The following ATP5F1C variants were observed in gnomAD, a reference collection of about 807,000 sequenced individuals.
The protein encoded by ATP5F1C is ATP synthase F1 subunit gamma, also known as ATP synthase F(1) complex subunit gamma, mitochondrial.
Under a neutral mutation model 37.4 loss-of-function variants are expected in ATP5F1C, and 22 were observed. The observed-to-expected ratio is 0.59, with a 90% confidence interval of 0.42 to 0.84. The LOEUF (loss-of-function observed/expected upper bound fraction) is 0.84. ATP5F1C is among the 40% of genes least tolerant of loss of function. The pLI, the probability that ATP5F1C is intolerant of heterozygous loss-of-function variation, is 0.00. For missense variants in ATP5F1C, 286 were observed against 362.4 expected (o/e 0.79, Z 1.71); for synonymous variants, 121 against 128.0 (o/e 0.95, Z 0.37).
intron 6 of ATP5F1C, among the ~76,000 whole-genome samples, chr10:7,800,375 T>G (rs930392247): frequency 4.6e-5 from 7 of 152,014 alleles, no homozygotes; most frequent in Admixed American, 2.6e-4. Context: ...TTTTGTATTT[T>G]TAGTAGAGAC....
intron 2 of ATP5F1C, chr10:7,796,521 T>A (rs1836237974): frequency 5.9e-6 from 1 of 170,624 alleles, no homozygotes; most frequent in Non-Finnish European, 1.2e-5. Flanking sequence ...TATATTATTG[T>A]CTTATGTTGC....
At chr10:7,798,028 A>C (rs1836274309) in intron 3 of ATP5F1C, among the ~76,000 whole-genome samples, 1 of 152,180 alleles carries the variant, frequency 6.6e-6, no homozygotes, top group Admixed American at 6.5e-5. Context: ...TCTTTCTCTT[A>C]ACTTTTTTAT....
chr10:7,788,300 G>C, intron 1 of ATP5F1C, 37 bp downstream of exon 1: 14 of 1,608,850 alleles, frequency 8.7e-6, no homozygotes, highest in Non-Finnish European at 1.2e-5. Flanking sequence ...AGGACCGCAA[G>C]GGATGGAAGA....
At chr10:7,806,654 CA>C (rs34887547) in intron 8 of ATP5F1C, among the ~76,000 whole-genome samples, 319 of 126,640 alleles carry the variant, frequency 2.5e-3, no homozygotes, top group African/African-American at 6.5e-3. Flanking sequence ...ACTCCATCTC[CA>C]AAAAAAAAAA....
Position 7,800,047 on chromosome 10 carries a change from C to G in ATP5F1C, c.593C>G (p.Thr198Arg), listed in dbSNP as rs1156965382. The change falls in exon 6 of 10, where the codon ACA becomes AGA. Residue 198 changes from threonine (T) to arginine (R), a missense_variant. Transcript: ENST00000356708. ...TCTAGGTCTGTCATCTCCTATAAGACAGAAGAAAAGCCCATCTTTTCCCTT... is the reference window on the plus strand; with the variant it reads ...TCTAGGTCTGTCATCTCCTATAAGAGAGAAGAAAAGCCCATCTTTTCCCTT... Reference protein sequence around the residue: ...NKFRSVISYKTEEKPIFSLNT... With the variant: ...NKFRSVISYKREEKPIFSLNT... The G allele has an allele frequency of 1.2e-6, 2 of 1,613,840 alleles. No individual in the cohort carries two copies. Among genetic ancestry groups the G allele is most frequent in the East Asian group, 2.2e-5 (1 of 44,886 alleles).
intron 1 of ATP5F1C, among the ~76,000 whole-genome samples, chr10:7,793,582 A>T (rs536274967): frequency 6.6e-6 from 1 of 152,310 alleles, no homozygotes; most frequent in Non-Finnish European, 1.5e-5. Context: ...TTGACTTTTC[A>T]TTCTCTTCAC....
intron 1 of ATP5F1C, among the ~76,000 whole-genome samples, chr10:7,793,348 G>A (rs1035128280): frequency 1.3e-5 from 2 of 152,198 alleles, no homozygotes; most frequent in South Asian, 2.1e-4. Context: ...TCCTGACCTC[G>A]TGATCCGCCT....
chr10:7,802,715 C>G, intron 7 of ATP5F1C, 43 bp from the exon 8 acceptor site: 1 of 1,573,466 alleles, frequency 6.4e-7, no homozygotes, highest in Non-Finnish European at 8.7e-7. Context: ...TTATTCTACT[C>G]TAGTTTCAGA....
chr10:7,802,213 G>C (rs529029591), intron 6 of ATP5F1C, 57 bp from the exon 7 acceptor site: 85 of 1,515,074 alleles, frequency 5.6e-5, no homozygotes, highest in Non-Finnish European at 7.1e-5. Flanking sequence ...AGCTGTTTTT[G>C]ATGAATTACT....
chr10:7,802,196 A>C (rs1294305647), intron 6 of ATP5F1C, 74 bp from the exon 7 acceptor site: 149 of 1,458,764 alleles, frequency 1.0e-4, no homozygotes, highest in Non-Finnish European at 5.5e-6. Context: ...GGAGTTTTAC[A>C]CTGAAAAGCT....
At position 7,800,060 on chromosome 10, in the gene ATP5F1C, C is replaced by G. The variant is rs1836324541; in HGVS notation, c.606C>G (p.Pro202=). 1 of 1,613,872 alleles carries G rather than the reference C, an allele frequency of 6.2e-7. No homozygotes were observed. Among genetic ancestry groups the G allele is most frequent in the South Asian group, 1.1e-5 (1 of 91,086 alleles). ...SVISYKTEEK[P]IFSLNTVASA... is the part of the protein sequence containing the mutation. The stretch of plus-strand genomic sequence containing the variant: ...TCTCCTATAAGACAGAAGAAAAGCC[C>G]ATCTTTTCCCTTAATACCGTTGCAA... The change falls in exon 6 of 10, where the codon CCC becomes CCG. Residue 202 remains proline (P), a synonymous_variant. Transcript: ENST00000356708.
chr10:7,796,010 T>C, intron 1 of ATP5F1C, 111 bp from the exon 2 acceptor site: 2 of 786,874 alleles, frequency 2.5e-6, no homozygotes, highest in Non-Finnish European at 4.1e-6. Context: ...TTTGATAGAT[T>C]GTTTCTTTAT....
chr10:7,799,736 T>C (rs762901175), intron 4 of ATP5F1C, 36 bp from the exon 5 acceptor site: 2 of 1,602,910 alleles, frequency 1.2e-6, no homozygotes, highest in South Asian at 2.2e-5. Context: ...AGAAATCTTA[T>C]TAAACTAGCT....
chr10:7,797,228 G>A (rs888161110), intron 3 of ATP5F1C, 50 bp downstream of exon 3: 18 of 1,597,730 alleles, frequency 1.1e-5, no homozygotes, highest in East Asian at 9.0e-5. Context: ...TTCACACAAG[G>A]AAGACTACTG....
At chr10:7,789,948 G>A (rs1033728457) in intron 1 of ATP5F1C, among the ~76,000 whole-genome samples, 1 of 152,172 alleles carries the variant, frequency 6.6e-6, no homozygotes, top group African/African-American at 2.4e-5. Context: ...GCATATAAAG[G>A]TCCTAATCCT....
chr10:7,802,150 C>A, intron 6 of ATP5F1C, 120 bp from the exon 7 acceptor site: 1 of 1,011,078 alleles, frequency 9.9e-7, no homozygotes, highest in Non-Finnish European at 1.4e-6. Context: ...ATTCATTTAC[C>A]TTATCTAGCA....
At chr10:7,799,947 A>G (rs994536423) in intron 5 of ATP5F1C, 32 bp downstream of exon 5, 1 of 1,605,924 alleles carries the variant, frequency 6.2e-7, no homozygotes. Context: ...AAGCTTTTTT[A>G]TGTTCATGCT....
chr10:7,802,914 G>A lies in ATP5F1C; in HGVS notation c.890+60G>A, dbSNP rs1836398901. Reference sequence around the variant, plus strand: ...TTTTTTCCTCTTGCTGTGTCTGCTTGTTTGGATGCTTAAAAGTTTTTCGTT... The same window carrying A: ...TTTTTTCCTCTTGCTGTGTCTGCTTATTTGGATGCTTAAAAGTTTTTCGTT... On this transcript the variant is annotated intron_variant, in intron 8 of 9. Transcript: ENST00000356708. 3 of 1,442,306 alleles carry A rather than the reference G, an allele frequency of 2.1e-6. No individual in the cohort carries two copies. In the African/African-American group the frequency reaches 4.3e-5, roughly 21 times the overall value. 89.3% of individuals were successfully genotyped at this position (1,442,306 alleles called of 1,614,324 possible). A position where few individuals can be genotyped will look rare whatever the true frequency, so the allele number is the denominator to read the frequency against.
chr10:7,792,952 A>G (rs1009686527), intron 1 of ATP5F1C, among the ~76,000 whole-genome samples: 1 of 152,220 alleles, frequency 6.6e-6, no homozygotes, highest in Non-Finnish European at 1.5e-5. Context: ...GCCATCAATG[A>G]GAGTTCCTTT....
Sources: gnomAD v4.1 joint callset for allele counts (sites outside exome capture counted in the v4.1 genomes callset) on GRCh38, gnomAD v4.1.1 for gene constraint, MANE v1.5 for transcripts, NCBI Gene and HGNC (gene_info 2026-07-23, HGNC 2026-07-21) for gene names.